Variants in RYR2 observed in about 807,000 individuals in gnomAD.
RYR2 encodes cardiac muscle ryanodine receptor-calcium release channel.
RYR2 carries 227 observed loss-of-function variants against 601.1 expected under a neutral mutation model. The observed-to-expected ratio is 0.38, with a 90% CI of 0.34 to 0.42. The LOEUF (loss-of-function observed/expected upper bound fraction) is 0.42. Ranked by LOEUF, RYR2 falls within the 10% of genes least tolerant of loss-of-function variation. RYR2 has a pLI of 1.00. For synonymous variants in RYR2, 2,223 were observed against 2,175.1 expected, an observed-to-expected ratio of 1.02 and a Z score of -0.61; for missense variants, 4,646 against 6,156.5, an observed-to-expected ratio of 0.75 and a Z score of 8.21.
At position 237,106,056 on chromosome 1, in the gene RYR2, AGAGGGGCTGCG is replaced by A. The variant is rs1572650566; in HGVS notation, c.48+63489_48+63499del. The stretch of plus-strand genomic sequence containing the variant: ...ACTGGGGCACAGTGGTGGGGAGGCC[AGAGGGGCTGCG>A]GGTGTGGGCCGGGCAGGTGGAGGAG... On this transcript the variant is annotated intron_variant, in intron 1 of 104. Coordinates refer to ENST00000366574, the MANE Select transcript of RYR2 (RefSeq NM_001035.3). The surrounding 1 kb of genome is among the most constrained non-coding windows in gnomAD (Gnocchi z 4.4). Among the ~76,000 whole-genome samples the A allele has an allele frequency of 8.5e-5, 13 of 152,140 alleles. No homozygotes were observed. In the South Asian group the frequency reaches 2.7e-3, roughly 32 times the overall value.
At chr1:237,342,622 C>A (rs375593574) in intron 3 of RYR2, among the ~76,000 whole-genome samples, 1 of 152,116 alleles carries the variant, frequency 6.6e-6, no homozygotes, top group Non-Finnish European at 1.5e-5. Context: ...GGTCAGTACT[C>A]GTAGTACAAA....
chr1:237,416,175 G>T (rs1704960625), intron 10 of RYR2, among the ~76,000 whole-genome samples: 1 of 152,158 alleles, frequency 6.6e-6, no homozygotes, highest in African/African-American at 2.4e-5. Context: ...TTTCAGTGGA[G>T]AAATGGGTCT....
intron 25 of RYR2, among the ~76,000 whole-genome samples, chr1:237,532,612 A>G (rs1668243956): frequency 6.6e-6 from 1 of 152,156 alleles, no homozygotes; most frequent in African/African-American, 2.4e-5. Flanking sequence ...AAAAACCAAA[A>G]AACAACAACC....
intron 2 of RYR2, among the ~76,000 whole-genome samples, chr1:237,278,245 A>ATTTTTTTTTTTTT (rs71561863): frequency 1.5e-5 from 1 of 67,000 alleles, no homozygotes; most frequent in Non-Finnish European, 2.7e-5. Flanking sequence ...TAATTTTTGT[A>ATTTTTTTTTTTTT]TTTTTTTTTT....
chr1:237,814,356 A>G (rs1574064052), intron 100 of RYR2, among the ~76,000 whole-genome samples: 1 of 152,094 alleles, frequency 6.6e-6, no homozygotes, highest in Non-Finnish European at 1.5e-5. Context: ...CGATGTCTAT[A>G]TTCTCTCTTG....
intron 52 of RYR2, 50 bp from the exon 53 acceptor site, chr1:237,655,771 C>T (rs1453228277): frequency 1.3e-6 from 2 of 1,521,588 alleles, no homozygotes; most frequent in Non-Finnish European, 8.8e-7. Context: ...ATCATGCTGA[C>T]AACTTTTGCC....
In RYR2 at chr1:237,814,958, CT is replaced by C. The variant is rs1207413143; in HGVS notation, c.14434-4072del. Among the ~76,000 whole-genome samples, 11 of 122,600 alleles carry C rather than the reference CT, an allele frequency of 9.0e-5. No homozygotes were observed. The East Asian group carries it at 1.6e-3, about 18-fold the overall frequency. 80.4% of individuals were successfully genotyped at this position (122,600 alleles called of 152,430 possible). ...CCAACAAATAATCTGCTCCTTTTTT[CT>C]TTTTTCTTTTTTTTTTTTTTTTTTT... On this transcript the variant is annotated intron_variant, in intron 100 of 104. Transcript: ENST00000366574.
intron 1 of RYR2, among the ~76,000 whole-genome samples, chr1:237,128,245 G>C (rs1001923973): frequency 6.6e-6 from 1 of 152,192 alleles, no homozygotes; most frequent in Admixed American, 6.5e-5. Context: ...GTGGCGGCAC[G>C]AGCCTGCGAT....
At chr1:237,278,321 G>A (rs1035977631) in intron 2 of RYR2, among the ~76,000 whole-genome samples, 2 of 144,978 alleles carry the variant, frequency 1.4e-5, no homozygotes, top group Non-Finnish European at 3.0e-5. Flanking sequence ...AAAGTCCTGG[G>A]CTCAAGCGAT....
chr1:237,127,110 C>T (rs1671521977), intron 1 of RYR2, among the ~76,000 whole-genome samples: 1 of 151,622 alleles, frequency 6.6e-6, no homozygotes, highest in Non-Finnish European at 1.5e-5. Context: ...GGTAAGGTCA[C>T]AGATCAACAG....
At chr1:237,622,753 A>C (rs565368069) in intron 38 of RYR2, among the ~76,000 whole-genome samples, 1 of 152,324 alleles carries the variant, frequency 6.6e-6, no homozygotes, top group East Asian at 1.9e-4. Context: ...TTTAGAGATG[A>C]TTTAAAATAT....
intron 24 of RYR2, among the ~76,000 whole-genome samples, chr1:237,517,393 A>G (rs1666651571): frequency 6.6e-6 from 1 of 152,214 alleles, no homozygotes; most frequent in South Asian, 2.1e-4. Flanking sequence ...CTTTCCTTCT[A>G]GACCAGGGGT....
At chr1:237,225,856 A>G (rs1376842805) in intron 1 of RYR2, among the ~76,000 whole-genome samples, 1 of 152,050 alleles carries the variant, frequency 6.6e-6, no homozygotes, top group Non-Finnish European at 1.5e-5. Flanking sequence ...GGAGTTTGAG[A>G]CCAGCCTGGC....
At chr1:237,803,514 A>T (rs370506904) in intron 98 of RYR2, among the ~76,000 whole-genome samples, 9 of 151,938 alleles carry the variant, frequency 5.9e-5, no homozygotes, top group Non-Finnish European at 1.0e-4. Flanking sequence ...GTTAGCCAGG[A>T]TGGTCTCGAT....
At chr1:237,194,407 A>G (rs1305132939) in intron 1 of RYR2, among the ~76,000 whole-genome samples, 1 of 152,210 alleles carries the variant, frequency 6.6e-6, no homozygotes, top group Non-Finnish European at 1.5e-5. Flanking sequence ...AGGAGCTCAT[A>G]GTGCAGCCTC....
At chr1:237,109,549 T>TC (rs1669192810) in intron 1 of RYR2, among the ~76,000 whole-genome samples, 1 of 152,146 alleles carries the variant, frequency 6.6e-6, no homozygotes, top group Non-Finnish European at 1.5e-5. Context: ...CCGAAGGGCC[T>TC]CGGTGATGGG....
In RYR2 at chr1:237,708,893, C is replaced by T. The variant is rs1290143904; in HGVS notation, c.9937C>T (p.Gln3313Ter). The stretch of plus-strand genomic sequence containing the variant: ...GCCTATAATAAATAAAGTGAAACCT[C>T]AGCTCTTGAAAACTCATTTCTTGCC... ...SQPIINKVKP[Q>*]LLKTHFLPLM... Residue 3313 changes from glutamine to a stop codon, truncating the protein, a stop_gained, in exon 69 of 105, where the codon CAG becomes TAG. Coordinates refer to ENST00000366574, the MANE Select transcript of RYR2 (RefSeq NM_001035.3). LOFTEE classifies it high-confidence loss of function. 1 of 1,611,310 alleles carries T rather than the reference C, an allele frequency of 6.2e-7. No individual in the cohort carries two copies. Among genetic ancestry groups the T allele is most frequent in the African/African-American group, 1.3e-5 (1 of 74,872 alleles).
At chr1:237,827,645 AAAAAAT>A (rs1663268655) in intron 101 of RYR2, among the ~76,000 whole-genome samples, 1 of 150,166 alleles carries the variant, frequency 6.7e-6, no homozygotes, top group Non-Finnish European at 1.5e-5. Context: ...AAAAAAAAAA[AAAAAAT>A]GACTTGACTG....
intron 2 of RYR2, among the ~76,000 whole-genome samples, chr1:237,283,547 A>G (rs1691126706): frequency 6.6e-6 from 1 of 152,120 alleles, no homozygotes; most frequent in African/African-American, 2.4e-5. Flanking sequence ...TTGATTTTTG[A>G]CTGGATTTCC....
Sources: gnomAD v4.1 joint callset for allele counts (sites outside exome capture counted in the v4.1 genomes callset) on GRCh38, gnomAD v4.1.1 for gene constraint, Gnocchi (gnomAD v3.1) non-coding constraint, MANE v1.5 for transcripts, NCBI Gene and HGNC (gene_info 2026-07-23, HGNC 2026-07-21) for gene names.